The following PGBD5 variants were observed in gnomAD, a reference collection of about 807,000 sequenced individuals.
The protein encoded by PGBD5 is piggyBac transposable element derived 5.
A neutral mutation model predicts 47.9 loss-of-function variants in PGBD5; 14 were observed. The ratio of observed to expected loss-of-function variants is 0.29; its 90% CI spans 0.19 to 0.46. PGBD5 has a LOEUF of 0.46. Ranked by LOEUF, PGBD5 falls within the 20% of genes least tolerant of loss-of-function variation. PGBD5 has a pLI of 1.00. For synonymous variants in PGBD5, 316 were observed against 306.3 expected (o/e 1.03, Z -0.33); for missense variants, 635 against 716.0 (o/e 0.89, Z 1.29).
intron 1 of PGBD5, among the ~76,000 whole-genome samples, chr1:230,393,218 A>G (rs985583664): frequency 7.0e-5 from 10 of 141,904 alleles, no homozygotes; most frequent in African/African-American, 2.6e-4. Context: ...AAGCCAAGGG[A>G]AAGGAGGAGA....
At chr1:230,350,686 A>G (rs1667546878) in intron 3 of PGBD5, among the ~76,000 whole-genome samples, 1 of 152,120 alleles carries the variant, frequency 6.6e-6, no homozygotes, top group Admixed American at 6.5e-5. Context: ...AGCCTTGATG[A>G]GTCATTTACC....
chr1:230,403,778 G>A (rs1020577123), intron 1 of PGBD5, among the ~76,000 whole-genome samples: 23 of 152,200 alleles, frequency 1.5e-4, no homozygotes, highest in Non-Finnish European at 2.4e-4. Flanking sequence ...ACCAGACCCA[G>A]GCCCCCTGAG....
intron 1 of PGBD5, chr1:230,362,298 CA>C: frequency 7.3e-7 from 1 of 1,367,720 alleles, no homozygotes; most frequent in Non-Finnish European, 9.8e-7. Context: ...TGAGTTTCCC[CA>C]CGGGTGTGCA....
Position 230,337,098 on chromosome 1 carries a change from C to G in PGBD5, c.1075+10G>C. On this transcript the variant is annotated intron_variant, in intron 4 of 6. Transcript: ENST00000391860. ...GGGCCGTATCCTCACTGGCTCCCCA[C>G]TTGACTAACCTTGCTTCTCAAACTC... is the stretch of plus-strand genomic sequence containing the variant. 1 of 1,612,186 alleles carries G rather than the reference C, an allele frequency of 6.2e-7. No individual in the cohort carries two copies. The highest frequency in any genetic ancestry group is 8.5e-7 in the Non-Finnish European group (1 of 1,178,562).
chr1:230,362,302 G>C (rs1160728626), intron 1 of PGBD5: 1 of 1,367,628 alleles, frequency 7.3e-7, no homozygotes, highest in Non-Finnish European at 9.8e-7. Flanking sequence ...TTTCCCCACG[G>C]GTGTGCAGGG....
At chr1:230,400,308 T>G (rs888518221) in intron 1 of PGBD5, among the ~76,000 whole-genome samples, 2 of 152,162 alleles carry the variant, frequency 1.3e-5, no homozygotes, top group Non-Finnish European at 2.9e-5. Flanking sequence ...CCCACCCTAT[T>G]TAATTCTGCA....
At chr1:230,325,517 T>TA (rs1309016150) in intron 5 of PGBD5, 102 bp from the exon 6 acceptor site, 3 of 785,552 alleles carry the variant, frequency 3.8e-6, no homozygotes, top group Non-Finnish European at 6.5e-6. Context: ...CCCAACTTAA[T>TA]AATGAGCAGA....
At chr1:230,404,179 G>A (rs1657213226) in intron 1 of PGBD5, among the ~76,000 whole-genome samples, 1 of 152,106 alleles carries the variant, frequency 6.6e-6, no homozygotes, top group African/African-American at 2.4e-5. Context: ...ATGAACAGGG[G>A]CAGTGAAGAC....
chr1:230,423,004 C>G (rs1159621188), intron 1 of PGBD5, among the ~76,000 whole-genome samples: 1 of 150,412 alleles, frequency 6.6e-6, no homozygotes, highest in East Asian at 2.0e-4. Context: ...TCTAGGTCAT[C>G]AGAGTTATCT....
chr1:230,353,813 A>G (rs979020955), intron 2 of PGBD5, among the ~76,000 whole-genome samples: 6 of 152,210 alleles, frequency 3.9e-5, no homozygotes, highest in Non-Finnish European at 7.4e-5. Flanking sequence ...TCCAGGGTCC[A>G]ACAGGGATTT....
chr1:230,390,676 G>A (rs1432062686), intron 1 of PGBD5, among the ~76,000 whole-genome samples: 1 of 152,188 alleles, frequency 6.6e-6, no homozygotes, highest in Non-Finnish European at 1.5e-5. Flanking sequence ...GGCCAGGGAA[G>A]GCTTCCTGGG....
chr1:230,337,773 C>T lies in PGBD5; in HGVS notation c.895-485G>A, dbSNP rs114634250. 8.9e-3 allele frequency among the ~76,000 whole-genome samples: 1,360 copies of T among 152,214 alleles called. 24 individuals are homozygous for T. Among genetic ancestry groups the T allele is most frequent in the African/African-American group, 0.031 (1,280 of 41,520 alleles). Reference sequence around the variant, plus strand: ...GGCAGAAGAGGTATGATTCCCCTCACGGTGCAGAGGAGACAGGACTGAGGG... The same window carrying T: ...GGCAGAAGAGGTATGATTCCCCTCATGGTGCAGAGGAGACAGGACTGAGGG... On this transcript the variant is annotated intron_variant, in intron 3 of 6. Transcript: ENST00000391860.
chr1:230,340,083 T>A (rs1441372511), intron 3 of PGBD5, among the ~76,000 whole-genome samples: 1 of 152,184 alleles, frequency 6.6e-6, no homozygotes, highest in Non-Finnish European at 1.5e-5. Context: ...CAAAATATGT[T>A]GTACACAATA....
chr1:230,413,421 G>C (rs1464141241), intron 1 of PGBD5, among the ~76,000 whole-genome samples: 2 of 152,016 alleles, frequency 1.3e-5, no homozygotes, highest in Non-Finnish European at 2.9e-5. Flanking sequence ...GATTGCTTGG[G>C]CCTGGGAAGT....
At chr1:230,344,542 C>T (rs939722158) in intron 3 of PGBD5, among the ~76,000 whole-genome samples, 4 of 152,194 alleles carry the variant, frequency 2.6e-5, no homozygotes, top group Admixed American at 6.5e-5. Flanking sequence ...CTTTCCTGAA[C>T]GCCAGAAGCA....
intron 2 of PGBD5, among the ~76,000 whole-genome samples, chr1:230,352,723 C>T (rs1035855715): frequency 5.9e-5 from 9 of 152,126 alleles, no homozygotes; most frequent in African/African-American, 1.9e-4. Context: ...TTCTTGCACT[C>T]GCTGGCTCTT....
chr1:230,330,472 G>A (rs1212090348), intron 5 of PGBD5, among the ~76,000 whole-genome samples: 1 of 152,234 alleles, frequency 6.6e-6, no homozygotes, highest in Admixed American at 6.5e-5. Flanking sequence ...GGCACTGGCT[G>A]AAGAAATTAT....
chr1:230,387,923 G>C (rs755427188), intron 1 of PGBD5, among the ~76,000 whole-genome samples: 11 of 152,158 alleles, frequency 7.2e-5, no homozygotes, highest in Non-Finnish European at 1.2e-4. Flanking sequence ...TTACGTGGAG[G>C]GATGTGGCAG....
Position 230,325,291 on chromosome 1 carries a change from G to A in PGBD5, c.1379+19C>T. ...CAACTATGAGAGCCCTTCTGTCATG[G>A]AGGTGCCCAGCCACTTACTTGCTGT... is the stretch of plus-strand genomic sequence containing the variant. On this transcript the variant is annotated intron_variant, in intron 6 of 6. Transcript: ENST00000391860. 1.9e-6 allele frequency: 3 copies of A among 1,577,746 alleles called. No individual in the cohort carries two copies. Among genetic ancestry groups the A allele is most frequent in the Non-Finnish European group, 2.6e-6 (3 of 1,149,600 alleles).
Sources: allele counts gnomAD v4.1 joint callset (sites outside exome capture counted in the v4.1 genomes callset), GRCh38; gene constraint gnomAD v4.1.1; transcripts MANE v1.5; gene names NCBI Gene and HGNC (gene_info 2026-07-23, HGNC 2026-07-21).